The following XIRP2 variants were observed in gnomAD, a reference collection of about 807,000 sequenced individuals.
XIRP2 encodes the protein xin actin binding repeat containing 2, also known as xin actin-binding repeat-containing protein 2.
In XIRP2, 236 loss-of-function variants were observed where a neutral mutation model predicts 277.0. The observed-to-expected ratio is 0.85, with a 90% CI of 0.77 to 0.95. The LOEUF (loss-of-function observed/expected upper bound fraction) is 0.95, where lower values mean the gene tolerates loss of function less well. Ranked by LOEUF, XIRP2 falls within the 40% of genes least tolerant of loss-of-function variation. The pLI is 0.00. For synonymous variants in XIRP2, 1,490 were observed against 1,416.5 expected (o/e 1.05, Z -1.17); for missense variants, 4,640 against 4,157.5 (o/e 1.12, Z -3.19).
chr2:167,098,785 T>C (rs1166688383), intron 2 of XIRP2, among the ~76,000 whole-genome samples: 1 of 152,232 alleles, frequency 6.6e-6, no homozygotes, highest in East Asian at 1.9e-4. Flanking sequence ...TAGTTTTCCT[T>C]CTAACAGTCA....
chr2:167,119,459 GACTTATTTGCAAGTTCAAC>G (rs1382760247), intron 2 of XIRP2, among the ~76,000 whole-genome samples: 1 of 152,180 alleles, frequency 6.6e-6, no homozygotes, highest in Non-Finnish European at 1.5e-5. Context: ...GCAAATATGT[GACTTATTTGCAAGTTCAAC>G]ACTTAAATAC....
intron 2 of XIRP2, among the ~76,000 whole-genome samples, chr2:167,010,788 C>T (rs1687654576): frequency 6.6e-6 from 1 of 151,984 alleles, no homozygotes; most frequent in Non-Finnish European, 1.5e-5. Context: ...TCCTTCACGT[C>T]CCTTGTAAGT....
In XIRP2 at chr2:166,898,020, G is replaced by C. The variant is rs1039438539; in HGVS notation, c.-18-5445G>C. 7.2e-5 allele frequency among the ~76,000 whole-genome samples: 11 copies of C among 152,050 alleles called. 1 individual carries two copies. Among genetic ancestry groups the C allele is most frequent in the African/African-American group, 2.7e-4 (11 of 41,420 alleles). On this transcript the variant is annotated intron_variant, in intron 1 of 10. Transcript: ENST00000409195. ...CCCTCCAGACCACAGGCAGCTGTATGGTTTGTTTCCATGAGAAGAGAGCTG... is the reference window on the plus strand; with the variant it reads ...CCCTCCAGACCACAGGCAGCTGTATCGTTTGTTTCCATGAGAAGAGAGCTG...
chr2:167,255,695 A>G (rs983077410), intron 10 of XIRP2, among the ~76,000 whole-genome samples: 1 of 151,726 alleles, frequency 6.6e-6, no homozygotes, highest in African/African-American at 2.4e-5. Context: ...CCCTTATTTC[A>G]TCTTAGTTTT....
chr2:167,167,315 A>G (rs1013803358), intron 3 of XIRP2, among the ~76,000 whole-genome samples: 1 of 152,136 alleles, frequency 6.6e-6, no homozygotes, highest in African/African-American at 2.4e-5. Flanking sequence ...TGGTATATTT[A>G]GACCACTGAC....
At chr2:167,107,397 A>G (rs1157990370) in intron 2 of XIRP2, among the ~76,000 whole-genome samples, 1 of 151,786 alleles carries the variant, frequency 6.6e-6, no homozygotes, top group Admixed American at 6.6e-5. Flanking sequence ...CTCTTCAAAT[A>G]ATTTTAATCA....
intron 2 of XIRP2, among the ~76,000 whole-genome samples, chr2:166,997,331 T>C (rs1410311530): frequency 6.6e-6 from 1 of 152,210 alleles, no homozygotes; most frequent in Non-Finnish European, 1.5e-5. Context: ...CTTATAATTC[T>C]GTATTTTTCA....
chr2:166,903,261 C>G (rs577258168), intron 1 of XIRP2, among the ~76,000 whole-genome samples: 1 of 152,192 alleles, frequency 6.6e-6, no homozygotes, highest in East Asian at 1.9e-4. Context: ...CCACACCTCT[C>G]CATAATCTGT....
intron 2 of XIRP2, among the ~76,000 whole-genome samples, chr2:167,097,840 G>A (rs1690366374): frequency 6.6e-6 from 1 of 152,162 alleles, no homozygotes; most frequent in Non-Finnish European, 1.5e-5. Context: ...ATTCTGGGTT[G>A]AAAATTATTT....
At chr2:166,965,534 C>A (rs540618241) in intron 2 of XIRP2, among the ~76,000 whole-genome samples, 15 of 151,918 alleles carry the variant, frequency 9.9e-5, no homozygotes, top group Middle Eastern at 3.4e-3. Context: ...ACTCAATTGT[C>A]TTCTTATACA....
At chr2:167,100,735 T>G (rs545853412) in intron 2 of XIRP2, among the ~76,000 whole-genome samples, 1 of 152,348 alleles carries the variant, frequency 6.6e-6, no homozygotes, top group South Asian at 2.1e-4. Context: ...AACTGCTTCT[T>G]CTTGTTAGGT....
intron 2 of XIRP2, among the ~76,000 whole-genome samples, chr2:167,134,428 A>G (rs1691480898): frequency 6.6e-6 from 1 of 152,012 alleles, no homozygotes; most frequent in Non-Finnish European, 1.5e-5. Context: ...CATAGCAAAG[A>G]CATAGAAAAT....
At chr2:167,167,816 T>A (rs1692567370) in intron 3 of XIRP2, among the ~76,000 whole-genome samples, 1 of 152,198 alleles carries the variant, frequency 6.6e-6, no homozygotes, top group African/African-American at 2.4e-5. Flanking sequence ...TTAGTCTTCA[T>A]TCATTCCTTC....
At chr2:166,958,752 T>C (rs1387867254) in intron 2 of XIRP2, among the ~76,000 whole-genome samples, 1 of 151,822 alleles carries the variant, frequency 6.6e-6, no homozygotes, top group Non-Finnish European at 1.5e-5. Flanking sequence ...GAGTCAGTCT[T>C]CTTACTGTGG....
chr2:166,978,304 C>T (rs962872999), intron 2 of XIRP2, among the ~76,000 whole-genome samples: 1 of 152,136 alleles, frequency 6.6e-6, no homozygotes, highest in Non-Finnish European at 1.5e-5. Flanking sequence ...ATCAATCAGG[C>T]ATTATAAAGC....
chr2:166,965,308 T>A (rs1051649064), intron 2 of XIRP2, among the ~76,000 whole-genome samples: 4 of 151,904 alleles, frequency 2.6e-5, no homozygotes, highest in African/African-American at 9.7e-5. Flanking sequence ...TTGTCCTGAC[T>A]CTTAGCAAGT....
intron 2 of XIRP2, among the ~76,000 whole-genome samples, chr2:166,995,655 G>A (rs1443515490): frequency 6.6e-6 from 1 of 152,168 alleles, no homozygotes; most frequent in Non-Finnish European, 1.5e-5. Flanking sequence ...GATAAAAGAA[G>A]CAATAAAAAC....
chr2:167,249,943 A>G lies in XIRP2; in HGVS notation c.8551A>G (p.Lys2851Glu). 2 of 1,613,598 alleles carry G rather than the reference A, an allele frequency of 1.2e-6. No homozygotes were observed. Among genetic ancestry groups the G allele is most frequent in the Non-Finnish European group, 1.7e-6 (2 of 1,179,710 alleles). Residue 2851 changes from lysine to glutamate, a missense_variant, in exon 9 of 11, where the codon AAG becomes GAG. Physicochemically the swap from Lys to Glu is moderately conservative, Grantham distance 56 (BLOSUM62 1). Coordinates refer to ENST00000409195, the MANE Select transcript of XIRP2 (RefSeq NM_152381.6). ...HEHLKNKSAP[K>E]VVKQKVIDAH... ...ACATCTGAAGAATAAATCAGCACCAAAGGTCGTCAAGCAAAAGGTTATCGA... is the reference window on the plus strand; with the variant it reads ...ACATCTGAAGAATAAATCAGCACCAGAGGTCGTCAAGCAAAAGGTTATCGA...
chr2:166,973,882 AT>A (rs1431068363), intron 2 of XIRP2, among the ~76,000 whole-genome samples: 1 of 152,190 alleles, frequency 6.6e-6, no homozygotes, highest in Non-Finnish European at 1.5e-5. Flanking sequence ...TTTTGGATAT[AT>A]TTATTGCTAA....
Sources: gnomAD v4.1 joint callset for allele counts (sites outside exome capture counted in the v4.1 genomes callset) on GRCh38, gnomAD v4.1.1 for gene constraint, MANE v1.5 for transcripts, NCBI Gene and HGNC (gene_info 2026-07-23, HGNC 2026-07-21) for gene names.